Variants in TMC1 observed in about 807,000 individuals in gnomAD.
TMC1 encodes transmembrane channel-like protein 1.
A neutral mutation model predicts 105.8 loss-of-function variants in TMC1; 84 were observed. That is an observed-to-expected ratio of 0.79 (90% confidence interval 0.67 to 0.95). The LOEUF is 0.95. Ranked by LOEUF, TMC1 falls within the 40% of genes least tolerant of loss-of-function variation. The pLI is 0.00. For synonymous variants in TMC1, 315 were observed against 311.5 expected, an observed-to-expected ratio of 1.01 and a Z score of -0.12; for missense variants, 817 against 914.1, an observed-to-expected ratio of 0.89 and a Z score of 1.37.
intron 4 of TMC1, among the ~76,000 whole-genome samples, chr9:72,636,712 A>C (rs1263918862): frequency 6.6e-6 from 1 of 151,458 alleles, no homozygotes; most frequent in Non-Finnish European, 1.5e-5. Context: ...CATCTCAAAA[A>C]AAAAAAAAAA....
At chr9:72,624,665 C>G (rs1195398970) in intron 3 of TMC1, among the ~76,000 whole-genome samples, 41 of 152,260 alleles carry the variant, frequency 2.7e-4, no homozygotes, top group Admixed American at 2.7e-3. Context: ...CACACTAGCC[C>G]AATTATGCAC....
intron 2 of TMC1, among the ~76,000 whole-genome samples, chr9:72,580,820 G>C (rs911545892): frequency 6.6e-6 from 1 of 152,052 alleles, no homozygotes; most frequent in African/African-American, 2.4e-5. Context: ...AGTGAAGCAG[G>C]GTGGGCAGAT....
intron 13 of TMC1, among the ~76,000 whole-genome samples, chr9:72,780,312 A>G (rs1828073263): frequency 6.6e-6 from 1 of 152,238 alleles, no homozygotes; most frequent in Non-Finnish European, 1.5e-5. Context: ...AAACACACAT[A>G]AGTACATAGA....
intron 10 of TMC1, among the ~76,000 whole-genome samples, chr9:72,744,514 A>G (rs1490493340): frequency 1.3e-5 from 2 of 152,204 alleles, no homozygotes; most frequent in South Asian, 2.1e-4. Flanking sequence ...ACTGAAAAAC[A>G]AAAGGCCATT....
At chr9:72,699,276 T>C (rs371874174) in intron 7 of TMC1, among the ~76,000 whole-genome samples, 1 of 152,320 alleles carries the variant, frequency 6.6e-6, no homozygotes, top group Admixed American at 6.5e-5. Flanking sequence ...CTACATCTCA[T>C]GCTCAGTAGG....
At chr9:72,550,725 G>A (rs1823848478) in intron 1 of TMC1, among the ~76,000 whole-genome samples, 1 of 150,258 alleles carries the variant, frequency 6.7e-6, no homozygotes, top group African/African-American at 2.5e-5. Context: ...GGGTAAAAAG[G>A]CTGGTGGGTG....
intron 5 of TMC1, among the ~76,000 whole-genome samples, chr9:72,677,643 C>G (rs1226867368): frequency 1.3e-5 from 2 of 152,146 alleles, no homozygotes; most frequent in Non-Finnish European, 2.9e-5. Flanking sequence ...GACTATGACT[C>G]AGATATAGAC....
At chr9:72,601,193 CAG>C (rs61114341) in intron 2 of TMC1, among the ~76,000 whole-genome samples, 33,456 of 132,596 alleles carry the variant, frequency 0.25, 3,693 homozygotes, top group South Asian at 0.29. Context: ...CACACACACA[CAG>C]ACACACACAC....
intron 1 of TMC1, among the ~76,000 whole-genome samples, chr9:72,577,586 C>T (rs531222390): frequency 6.6e-6 from 1 of 152,328 alleles, no homozygotes; most frequent in East Asian, 1.9e-4. Flanking sequence ...AAGCGGGATT[C>T]TTCCTTGCTG....
intron 17 of TMC1, among the ~76,000 whole-genome samples, chr9:72,805,011 C>CT (rs1828547572): frequency 1.3e-5 from 2 of 152,178 alleles, no homozygotes; most frequent in South Asian, 4.1e-4. Context: ...TACTCACCCT[C>CT]TATCATATAC....
chr9:72,823,592 G>C (rs963636902), intron 20 of TMC1, among the ~76,000 whole-genome samples: 8 of 152,100 alleles, frequency 5.3e-5, no homozygotes, highest in African/African-American at 1.9e-4. Context: ...GGCTAGAGAG[G>C]GTAAATTTTC....
intron 1 of TMC1, among the ~76,000 whole-genome samples, chr9:72,562,043 G>GC (rs1824062780): frequency 6.6e-6 from 1 of 151,682 alleles, no homozygotes; most frequent in Non-Finnish European, 1.5e-5. Flanking sequence ...TAACACAAGG[G>GC]CCCAAACAAG....
At chr9:72,608,431 G>C (rs534775363) in intron 2 of TMC1, among the ~76,000 whole-genome samples, 1 of 152,136 alleles carries the variant, frequency 6.6e-6, no homozygotes, top group Non-Finnish European at 1.5e-5. Context: ...TGCAGTCCAG[G>C]CGTGGTGGCC....
chr9:72,772,466 A>C lies in TMC1; in HGVS notation c.795A>C (p.Thr265=), dbSNP rs140398130. 227 of 1,613,848 alleles carry C rather than the reference A, an allele frequency of 1.4e-4. No individual in the cohort carries two copies. The highest frequency in any genetic ancestry group is 1.6e-4 in the Middle Eastern group (1 of 6,084). ...LFYGYYDNKR[T]IGWMNFRLPL... is the part of the protein sequence containing the mutation. ...ATGGCTATTATGACAATAAACGAAC[A>C]ATTGGATGGATGAATTTCAGGTTGC... The change falls in exon 13 of 24, where the codon ACA becomes ACC. Residue 265 remains threonine, a synonymous_variant. Transcript: ENST00000297784.
chr9:72,733,303 T>A (rs1203079941), intron 8 of TMC1, among the ~76,000 whole-genome samples: 1 of 151,736 alleles, frequency 6.6e-6, no homozygotes, highest in Non-Finnish European at 1.5e-5. Flanking sequence ...CCTGACTGCC[T>A]CCTCCCAGGC....
At position 72,718,109 on chromosome 9, in the gene TMC1, A is replaced by G. The variant is rs1232633231; in HGVS notation, c.362+17466A>G. Among the ~76,000 whole-genome samples, 4 of 152,032 alleles carry G rather than the reference A, an allele frequency of 2.6e-5. No homozygotes were observed. In the East Asian group the frequency reaches 7.7e-4, roughly 29 times the overall value. ...GAAGATTTCTCCCCTCATATCTTGT[A>G]TCATATTTTTTTATTTCCTTAAGTT... On this transcript the variant is annotated intron_variant, in intron 8 of 23. Coordinates refer to ENST00000297784, the MANE Select transcript of TMC1 (RefSeq NM_138691.3).
At chr9:72,701,846 T>G (rs998826011) in intron 8 of TMC1, among the ~76,000 whole-genome samples, 1 of 152,196 alleles carries the variant, frequency 6.6e-6, no homozygotes, top group Non-Finnish European at 1.5e-5. Context: ...TTCCAAGTTC[T>G]AAACAATGGT....
At chr9:72,795,339 A>G (rs553427667) in intron 17 of TMC1, among the ~76,000 whole-genome samples, 1 of 152,304 alleles carries the variant, frequency 6.6e-6, no homozygotes, top group East Asian at 1.9e-4. Context: ...TCCCCAAAAC[A>G]CACAATTGTC....
intron 2 of TMC1, among the ~76,000 whole-genome samples, chr9:72,598,623 T>C (rs1824758136): frequency 6.6e-6 from 1 of 152,152 alleles, no homozygotes; most frequent in Admixed American, 6.5e-5. Context: ...GAGGGCCTGG[T>C]CTTAGGTCAT....
Sources: allele counts gnomAD v4.1 joint callset (sites outside exome capture counted in the v4.1 genomes callset), GRCh38; gene constraint gnomAD v4.1.1; transcripts MANE v1.5; gene names NCBI Gene and HGNC (gene_info 2026-07-23, HGNC 2026-07-21).